PTPRJ: variants seen among roughly 807,000 people sequenced by gnomAD.
PTPRJ encodes receptor-type tyrosine-protein phosphatase eta.
PTPRJ carries 129 observed loss-of-function variants against 141.3 expected under a neutral mutation model. The ratio of observed to expected loss-of-function variants is 0.91; its 90% CI spans 0.79 to 1.06. The LOEUF (loss-of-function observed/expected upper bound fraction) is 1.06, where lower values mean the gene tolerates loss of function less well. Among genes scored for constraint, PTPRJ ranks in the 50% least tolerant of loss-of-function variants. PTPRJ has a pLI of 0.00. For synonymous variants in PTPRJ, 610 were observed against 640.5 expected (o/e 0.95, Z 0.72); for missense variants, 1,601 against 1,679.7 (o/e 0.95, Z 0.82).
chr11:48,095,621 C>T (rs1168997442), intron 1 of PTPRJ, among the ~76,000 whole-genome samples: 1 of 150,704 alleles, frequency 6.6e-6, no homozygotes, highest in Admixed American at 6.6e-5. Flanking sequence ...GCTCTGTCAC[C>T]CAGGCTGGAG....
intron 1 of PTPRJ, among the ~76,000 whole-genome samples, chr11:48,024,394 C>T (rs1853750604): frequency 6.6e-6 from 1 of 152,162 alleles, no homozygotes; most frequent in Non-Finnish European, 1.5e-5. Context: ...GGCAGGGTTT[C>T]ACCATATTGG....
At chr11:48,057,283 T>C (rs1343659625) in intron 1 of PTPRJ, among the ~76,000 whole-genome samples, 1 of 151,882 alleles carries the variant, frequency 6.6e-6, no homozygotes, top group Admixed American at 6.5e-5. Context: ...TAATAAAAGC[T>C]CTGGGTAAAC....
chr11:48,069,660 C>T (rs956850779), intron 1 of PTPRJ, among the ~76,000 whole-genome samples: 4 of 151,854 alleles, frequency 2.6e-5, no homozygotes, highest in South Asian at 4.2e-4. Context: ...ACCATGTTAG[C>T]CAGGATGGTC....
At chr11:48,137,839 G>A (rs1281757648) in intron 10 of PTPRJ, among the ~76,000 whole-genome samples, 1 of 152,142 alleles carries the variant, frequency 6.6e-6, no homozygotes, top group Non-Finnish European at 1.5e-5. Flanking sequence ...TTTTGTGCTG[G>A]AGAAGATGAA....
At chr11:48,010,701 A>C (rs1295329141) in intron 1 of PTPRJ, among the ~76,000 whole-genome samples, 1 of 150,782 alleles carries the variant, frequency 6.6e-6, no homozygotes, top group Middle Eastern at 3.2e-3. Flanking sequence ...ACGCCCAGGT[A>C]ATTTTTGTAT....
Position 48,136,070 on chromosome 11 carries a change from C to T in PTPRJ, c.1647C>T (p.Val549=). 6.2e-7 allele frequency: 1 copy of T among 1,614,146 alleles called. No individual in the cohort carries two copies. Among genetic ancestry groups the T allele is most frequent in the South Asian group, 1.1e-5 (1 of 91,068 alleles). ...VPSAVFDIHV[V]YVTTTEMWLD... is the part of the protein sequence containing the mutation. ...GTGCAGTGTTTGACATCCACGTGGT[C>T]TACGTCACCACCACGGAGATGTGGC... is the stretch of plus-strand genomic sequence containing the variant. Residue 549 remains valine (V), a synonymous_variant, in exon 9 of 25, where the codon GTC becomes GTT. Coordinates refer to ENST00000418331, the MANE Select transcript of PTPRJ (RefSeq NM_002843.4).
Position 48,144,996 on chromosome 11 carries a change from A to C in PTPRJ, c.2787-4A>C. The C allele has an allele frequency of 6.2e-7, 1 of 1,614,092 alleles. No individual in the cohort carries two copies. Among genetic ancestry groups the C allele is most frequent in the South Asian group, 1.1e-5 (1 of 91,074 alleles). On this transcript the variant is annotated splice_region_variant and splice_polypyrimidine_tract_variant and intron_variant, in intron 13 of 24. Coordinates refer to ENST00000418331, the MANE Select transcript of PTPRJ (RefSeq NM_002843.4). The stretch of plus-strand genomic sequence containing the variant: ...ACCTCTTTTTGCTCTTTGTTATCCC[A>C]CAGGGCTTGTGTGGCTGGCTTCACC...
intron 14 of PTPRJ, among the ~76,000 whole-genome samples, chr11:48,145,360 A>G (rs977583173): frequency 5.9e-5 from 9 of 152,134 alleles, no homozygotes; most frequent in African/African-American, 2.2e-4. Context: ...TGTTCTTCCA[A>G]TCTGCAAAGA....
At chr11:48,167,124 A>C in intron 24 of PTPRJ, 80 bp from the exon 25 acceptor site, 1 of 1,371,010 alleles carries the variant, frequency 7.3e-7, no homozygotes, top group Non-Finnish European at 1.0e-6. Flanking sequence ...CGGGGGAATG[A>C]CCTGTTTGAA....
rs146431029 is a variant in PTPRJ at position 48,065,771 on chromosome 11, G to A, written c.97-44287G>A. Reference sequence around the variant, plus strand: ...CATCCATTGTGTTATTGTCACCCCTGTTACAGGGTGGAGAGAAGAAGGCAG... The same window carrying A: ...CATCCATTGTGTTATTGTCACCCCTATTACAGGGTGGAGAGAAGAAGGCAG... On this transcript the variant is annotated intron_variant, in intron 1 of 24. Coordinates refer to ENST00000418331, the MANE Select transcript of PTPRJ (RefSeq NM_002843.4). Among the ~76,000 whole-genome samples the A allele has an allele frequency of 1.2e-4, 18 of 152,298 alleles. No homozygotes were observed. The Middle Eastern group carries it at 0.01, about 86-fold the overall frequency.
At chr11:48,142,884 A>G (rs1857267518) in intron 11 of PTPRJ, 35 bp from the exon 12 acceptor site, 2 of 1,592,304 alleles carry the variant, frequency 1.3e-6, no homozygotes, top group African/African-American at 1.3e-5. Context: ...GGTTTTCAAT[A>G]TTGGGTGATC....
chr11:47,982,695 TA>T (rs952915563), intron 1 of PTPRJ, among the ~76,000 whole-genome samples: 47 of 151,216 alleles, frequency 3.1e-4, no homozygotes, highest in Non-Finnish European at 3.7e-4. Context: ...TATATATATA[TA>T]AAATTTATTT....
intron 4 of PTPRJ, among the ~76,000 whole-genome samples, chr11:48,122,756 T>C (rs1856735972): frequency 6.6e-6 from 1 of 152,216 alleles, no homozygotes; most frequent in Admixed American, 6.5e-5. Flanking sequence ...GAGAGACATG[T>C]GCTGTGAAGA....
intron 1 of PTPRJ, among the ~76,000 whole-genome samples, chr11:48,035,591 TC>T (rs1206948042): frequency 6.8e-6 from 1 of 146,062 alleles, no homozygotes; most frequent in Non-Finnish European, 1.5e-5. Context: ...GAGACTTGTG[TC>T]TCAATTGAGT....
chr11:48,015,192 C>G (rs1263886446), intron 1 of PTPRJ, among the ~76,000 whole-genome samples: 1 of 152,024 alleles, frequency 6.6e-6, no homozygotes, highest in African/African-American at 2.4e-5. Context: ...TGCTGTATCA[C>G]TGTGTCCGTT....
chr11:48,076,659 C>A (rs1227474186), intron 1 of PTPRJ, among the ~76,000 whole-genome samples: 2 of 152,076 alleles, frequency 1.3e-5, no homozygotes, highest in African/African-American at 4.8e-5. Flanking sequence ...CAATGGAAGA[C>A]CCTGTGGCGG....
At chr11:48,113,069 C>T in intron 3 of PTPRJ, 86 bp downstream of exon 3, 1 of 1,135,360 alleles carries the variant, frequency 8.8e-7, no homozygotes, top group South Asian at 1.6e-5. Context: ...TACTGTTCTT[C>T]TTTTAATTAC....
chr11:47,990,152 C>T (rs951323878), intron 1 of PTPRJ, among the ~76,000 whole-genome samples: 2 of 152,048 alleles, frequency 1.3e-5, no homozygotes, highest in Non-Finnish European at 1.5e-5. Context: ...TCTCAAAAAA[C>T]AAACAAACAA....
intron 18 of PTPRJ, among the ~76,000 whole-genome samples, chr11:48,152,136 A>G (rs1212663428): frequency 6.6e-6 from 1 of 152,158 alleles, no homozygotes; most frequent in African/African-American, 2.4e-5. Flanking sequence ...AATGATTGCC[A>G]TTCTAACTGG....
Sources: gnomAD v4.1 joint callset for allele counts (sites outside exome capture counted in the v4.1 genomes callset) on GRCh38, gnomAD v4.1.1 for gene constraint, MANE v1.5 for transcripts, NCBI Gene and HGNC (gene_info 2026-07-23, HGNC 2026-07-21) for gene names.